The following NET1 variants were observed in gnomAD, a reference collection of about 807,000 sequenced individuals.
The protein encoded by NET1 is neuroepithelial cell-transforming gene 1 protein.
A neutral mutation model predicts 61.1 loss-of-function variants in NET1; 42 were observed. That is an observed-to-expected ratio of 0.69 (90% confidence interval 0.54 to 0.89). NET1 has a LOEUF of 0.89. NET1 is among the 40% of genes least tolerant of loss of function. The pLI, the probability that NET1 is intolerant of heterozygous loss-of-function variation, is 0.00. For synonymous variants in NET1, 254 were observed against 281.8 expected (o/e 0.90, Z 0.99); for missense variants, 654 against 747.3 (o/e 0.88, Z 1.46).
chr10:5,456,425 C>T lies in NET1; in HGVS notation c.1384+152C>T. On this transcript the variant is annotated intron_variant, in intron 11 of 11. Coordinates refer to ENST00000355029, the MANE Select transcript of NET1 (RefSeq NM_001047160.3). The surrounding 1 kb of genome is among the most constrained non-coding windows in gnomAD (Gnocchi z 7.0). ...TGTCCAGGCCTTCCCAGCTCGAACACCCGCAGGTGTATCTAAGAAATAATG... is the reference window on the plus strand; with the variant it reads ...TGTCCAGGCCTTCCCAGCTCGAACATCCGCAGGTGTATCTAAGAAATAATG... 1 of 1,028,812 alleles carries T rather than the reference C, an allele frequency of 9.7e-7. No individual in the cohort carries two copies. The highest frequency in any genetic ancestry group is 1.4e-6 in the Non-Finnish European group (1 of 723,566). The allele number at this position is 1,028,812 out of a possible 1,614,324, so 63.7% of individuals were successfully genotyped here.
chr10:5,423,220 T>C lies in NET1; in HGVS notation c.129-3435T>C, dbSNP rs1170384602. Among the ~76,000 whole-genome samples, 2 of 152,184 alleles carry C rather than the reference T, an allele frequency of 1.3e-5. No individual in the cohort carries two copies. Among genetic ancestry groups the C allele is most frequent in the Non-Finnish European group, 2.9e-5 (2 of 68,018 alleles). On this transcript the variant is annotated intron_variant, in intron 1 of 11. Coordinates refer to ENST00000355029, the MANE Select transcript of NET1 (RefSeq NM_001047160.3). The surrounding 1 kb of genome is among the most constrained non-coding windows in gnomAD (Gnocchi z 4.4). ...AAATTATGCTTTTAAGAATGCTTTT[T>C]TCCTGTTGGTAATAGTAATTTTCAA...
chr10:5,439,560 C>A lies in NET1; in HGVS notation c.255+10331C>A, dbSNP rs1424089706. On this transcript the variant is annotated intron_variant, in intron 3 of 11. Coordinates refer to ENST00000355029, the MANE Select transcript of NET1 (RefSeq NM_001047160.3). This position sits in a 1 kb window ranked among gnomAD's most constrained non-coding sequence, Gnocchi z 4.8. ...CAACCTTCTGACTCAGTTGATGTGACCCTGTTTGTTTTGGGCACCTCTGAT... is the reference window on the plus strand; with the variant it reads ...CAACCTTCTGACTCAGTTGATGTGAACCTGTTTGTTTTGGGCACCTCTGAT... Among the ~76,000 whole-genome samples, 1 of 152,186 alleles carries A rather than the reference C, an allele frequency of 6.6e-6. No individual in the cohort carries two copies. Among genetic ancestry groups the A allele is most frequent in the Non-Finnish European group, 1.5e-5 (1 of 68,034 alleles).
chr10:5,429,839 G>C (rs553207274), intron 3 of NET1, among the ~76,000 whole-genome samples: 2 of 152,200 alleles, frequency 1.3e-5, no homozygotes, highest in South Asian at 4.1e-4. Context: ...TTGCCAGTTA[G>C]TAAATTTTAC....
At chr10:5,442,678 T>C (rs911053145) in intron 3 of NET1, among the ~76,000 whole-genome samples, 4 of 152,076 alleles carry the variant, frequency 2.6e-5, no homozygotes, top group Admixed American at 6.6e-5. Flanking sequence ...GCAGATCACT[T>C]GAGACCAGGA....
At position 5,452,281 on chromosome 10, in the gene NET1, TAAAAA is replaced by T. The variant is rs200255254; in HGVS notation, c.364-72_364-68del. 1 of 1,242,176 alleles carries T rather than the reference TAAAAA, an allele frequency of 8.1e-7. No individual in the cohort carries two copies. Among genetic ancestry groups the T allele is most frequent in the African/African-American group, 1.5e-5 (1 of 65,122 alleles). 76.9% of individuals were successfully genotyped at this position (1,242,176 alleles called of 1,614,324 possible). A position where few individuals can be genotyped will look rare whatever the true frequency, so the allele number is the denominator to read the frequency against. ...CTCAGAACTTTGTCTTTCTTCACTTTAAAAAAAAAGAAAATGGGAATAATTCTATT... is the reference window on the plus strand; with the variant it reads ...CTCAGAACTTTGTCTTTCTTCACTTTAAAAGAAAATGGGAATAATTCTATT... On this transcript the variant is annotated intron_variant, in intron 4 of 11. Transcript: ENST00000355029. This position sits in a 1 kb window ranked among gnomAD's most constrained non-coding sequence, Gnocchi z 4.0.
rs1011712046 is a variant in NET1 at position 5,454,197 on chromosome 10, T to G, written c.769-68T>G. Reference sequence around the variant, plus strand: ...TAGCTGTACATTTTGTGTTTCATGTTTGCAGGCTTGTTAATGCACTCGGTC... The same window carrying G: ...TAGCTGTACATTTTGTGTTTCATGTGTGCAGGCTTGTTAATGCACTCGGTC... On this transcript the variant is annotated intron_variant, in intron 8 of 11. Transcript: ENST00000355029. The surrounding 1 kb of genome is among the most constrained non-coding windows in gnomAD (Gnocchi z 8.1). 4 of 1,484,836 alleles carry G rather than the reference T, an allele frequency of 2.7e-6. No individual in the cohort carries two copies. In the African/African-American group the frequency reaches 4.2e-5, roughly 16 times the overall value. 92.0% of individuals were successfully genotyped at this position (1,484,836 alleles called of 1,614,324 possible). A position where few individuals can be genotyped will look rare whatever the true frequency, so the allele number is the denominator to read the frequency against.
rs75542174 is a variant in NET1 at position 5,420,500 on chromosome 10, C to A, written c.129-6155C>A. Among the ~76,000 whole-genome samples, 3,285 of 152,296 alleles carry A rather than the reference C, an allele frequency of 0.022. 107 individuals carry two copies. Among genetic ancestry groups the A allele is most frequent in the East Asian group, 0.099 (514 of 5,182 alleles). On this transcript the variant is annotated intron_variant, in intron 1 of 11. Coordinates refer to ENST00000355029, the MANE Select transcript of NET1 (RefSeq NM_001047160.3). The surrounding 1 kb of genome is among the most constrained non-coding windows in gnomAD (Gnocchi z 5.3). ...TTCTCTGGGGCAGCAGTTATGTTTT[C>A]TATGTAGATATTCCCTACAATATGA...
intron 3 of NET1, among the ~76,000 whole-genome samples, chr10:5,450,132 C>T (rs1361671132): frequency 6.6e-6 from 1 of 152,178 alleles, no homozygotes; most frequent in Non-Finnish European, 1.5e-5. Flanking sequence ...ACAGCGTGTG[C>T]CATCTTATTA....
chr10:5,427,135 T>G lies in NET1; in HGVS notation c.195+414T>G, dbSNP rs2119175511. 6.6e-6 allele frequency among the ~76,000 whole-genome samples: 1 copy of G among 152,138 alleles called. No individual in the cohort carries two copies. The highest frequency in any genetic ancestry group is 2.1e-4 in the South Asian group (1 of 4,820). ...ATATATAATGAATGATTTTCTGCTA[T>G]TAATCATCTCAGCATAGAGGGACTC... On this transcript the variant is annotated intron_variant, in intron 2 of 11. Transcript: ENST00000355029. The surrounding 1 kb of genome is among the most constrained non-coding windows in gnomAD (Gnocchi z 4.1).
chr10:5,446,579 T>A lies in NET1; in HGVS notation c.256-5251T>A. 1 of 1,181,998 alleles carries A rather than the reference T, an allele frequency of 8.5e-7. No homozygotes were observed. Among genetic ancestry groups the A allele is most frequent in the Non-Finnish European group, 1.0e-6 (1 of 955,710 alleles). The allele number at this position is 1,181,998 out of a possible 1,614,324, so 73.2% of individuals were successfully genotyped here. Reference sequence around the variant, plus strand: ...TGGCTGTGGCCCCGCCCCCGAGCCCTGGGGTCGGTGCTTGCTGCCTGCGGC... The same window carrying A: ...TGGCTGTGGCCCCGCCCCCGAGCCCAGGGGTCGGTGCTTGCTGCCTGCGGC... On this transcript the variant is annotated intron_variant, in intron 3 of 11. Coordinates refer to ENST00000355029, the MANE Select transcript of NET1 (RefSeq NM_001047160.3). This position sits in a 1 kb window ranked among gnomAD's most constrained non-coding sequence, Gnocchi z 5.0.
chr10:5,419,248 C>T (rs545088384), intron 1 of NET1, among the ~76,000 whole-genome samples: 2 of 152,204 alleles, frequency 1.3e-5, no homozygotes, highest in South Asian at 2.1e-4. Flanking sequence ...TATTTTCAAG[C>T]TGTTTATATC....
chr10:5,414,515 G>T (rs1161865527), intron 1 of NET1, among the ~76,000 whole-genome samples: 6 of 152,216 alleles, frequency 3.9e-5, no homozygotes, highest in Non-Finnish European at 5.9e-5. Flanking sequence ...AAGTTTAGCT[G>T]ATGGATTGGT....
At chr10:5,429,064 A>G (rs773020328) in intron 2 of NET1, 106 bp from the exon 3 acceptor site, 1 of 821,070 alleles carries the variant, frequency 1.2e-6, no homozygotes, top group Non-Finnish European at 1.9e-6. Context: ...CTATAGCCAA[A>G]GGCTTAACTT....
chr10:5,443,739 G>C lies in NET1; in HGVS notation c.256-8091G>C, dbSNP rs1016832719. Among the ~76,000 whole-genome samples the C allele has an allele frequency of 3.9e-5, 6 of 152,134 alleles. No homozygotes were observed. The highest frequency in any genetic ancestry group is 6.6e-5 in the Admixed American group (1 of 15,266). ...TATACCCTATTTGTTTTCTATTTCT[G>C]TATTTACATATAAAGACTTCTACCT... On this transcript the variant is annotated intron_variant, in intron 3 of 11. Coordinates refer to ENST00000355029, the MANE Select transcript of NET1 (RefSeq NM_001047160.3). The surrounding 1 kb of genome is among the most constrained non-coding windows in gnomAD (Gnocchi z 4.8).
Position 5,420,658 on chromosome 10 carries a change from C to T in NET1, c.129-5997C>T, listed in dbSNP as rs149255128. Reference sequence around the variant, plus strand: ...GTCGCCAGGCTGGAGTGCAGTGGCGCGATCTCGGCTCACTGTAGCCTCCGA... The same window carrying T: ...GTCGCCAGGCTGGAGTGCAGTGGCGTGATCTCGGCTCACTGTAGCCTCCGA... On this transcript the variant is annotated intron_variant, in intron 1 of 11. Transcript: ENST00000355029. The surrounding 1 kb of genome is among the most constrained non-coding windows in gnomAD (Gnocchi z 5.3). Among the ~76,000 whole-genome samples, 3,225 of 152,150 alleles carry T rather than the reference C, an allele frequency of 0.021. 94 individuals are homozygous for T. The highest frequency in any genetic ancestry group is 0.073 in the African/African-American group (3,046 of 41,476).
chr10:5,420,238 A>G lies in NET1; in HGVS notation c.129-6417A>G, dbSNP rs1025142777. Among the ~76,000 whole-genome samples the G allele has an allele frequency of 6.6e-6, 1 of 152,258 alleles. No individual in the cohort carries two copies. Among genetic ancestry groups the G allele is most frequent in the Non-Finnish European group, 1.5e-5 (1 of 68,046 alleles). ...TACCCACAGAAATTTATCTTAAAGT[A>G]ATGGGCAAGTATACATGGATGTATG... On this transcript the variant is annotated intron_variant, in intron 1 of 11. Coordinates refer to ENST00000355029, the MANE Select transcript of NET1 (RefSeq NM_001047160.3). The surrounding 1 kb of genome is among the most constrained non-coding windows in gnomAD (Gnocchi z 5.3).
chr10:5,443,481 T>G lies in NET1; in HGVS notation c.256-8349T>G, dbSNP rs1416994170. Among the ~76,000 whole-genome samples the G allele has an allele frequency of 6.6e-6, 1 of 152,188 alleles. No individual in the cohort carries two copies. Among genetic ancestry groups the G allele is most frequent in the Non-Finnish European group, 1.5e-5 (1 of 68,024 alleles). ...TTCACCACCACCCATTAAGTTTCCTTATGAGAAAACTGAAGAGGATGGGTG... is the reference window on the plus strand; with the variant it reads ...TTCACCACCACCCATTAAGTTTCCTGATGAGAAAACTGAAGAGGATGGGTG... On this transcript the variant is annotated intron_variant, in intron 3 of 11. Transcript: ENST00000355029. This position sits in a 1 kb window ranked among gnomAD's most constrained non-coding sequence, Gnocchi z 4.8.
intron 3 of NET1, among the ~76,000 whole-genome samples, chr10:5,448,672 A>ATTTTT (rs55722042): frequency 0.28 from 35,965 of 126,416 alleles, 5,671 homozygotes; most frequent in South Asian, 0.39. Flanking sequence ...GGATTTTTGG[A>ATTTTT]TTTTTTTTTT....
chr10:5,456,991 G>A lies in NET1; in HGVS notation c.1788G>A (p.Val596=), dbSNP rs1832814256. 3 of 1,550,760 alleles carry A rather than the reference G, an allele frequency of 1.9e-6. No individual in the cohort carries two copies. The highest frequency in any genetic ancestry group is 2.3e-5 in the East Asian group (1 of 44,250). ...LSGGKRKETL[V] is the part of the protein sequence containing the mutation. ...GTGGCAAACGGAAAGAGACTTTGGTGTAGAGAAGGCTCTGTGTGTTAACTG... is the reference window on the plus strand; with the variant it reads ...GTGGCAAACGGAAAGAGACTTTGGTATAGAGAAGGCTCTGTGTGTTAACTG... The change falls in exon 12 of 12, where the codon GTG becomes GTA. Residue 596 remains valine (V), a synonymous_variant. Transcript: ENST00000355029. This position sits in a 1 kb window ranked among gnomAD's most constrained non-coding sequence, Gnocchi z 7.0.
Sources: allele counts gnomAD v4.1 joint callset (sites outside exome capture counted in the v4.1 genomes callset), GRCh38; gene constraint gnomAD v4.1.1; non-coding constraint Gnocchi (gnomAD v3.1); transcripts MANE v1.5; gene names NCBI Gene and HGNC (gene_info 2026-07-23, HGNC 2026-07-21).